Variants in TRIM11 observed in about 807,000 individuals in gnomAD.
The protein encoded by TRIM11 is tripartite motif containing 11.
In TRIM11, 15 loss-of-function variants were observed where a neutral mutation model predicts 33.4. The observed-to-expected ratio is 0.45, with a 90% CI of 0.30 to 0.69. TRIM11 has a LOEUF of 0.69. Among genes scored for constraint, TRIM11 ranks in the 30% least tolerant of loss-of-function variants. The pLI is 0.08. For missense variants in TRIM11, 499 were observed against 667.6 expected, an observed-to-expected ratio of 0.75 and a Z score of 2.78; for synonymous variants, 281 against 302.6, an observed-to-expected ratio of 0.93 and a Z score of 0.74.
At chr1:228,396,731 A>G in intron 5 of TRIM11, 1 of 718,648 alleles carries the variant, frequency 1.4e-6, no homozygotes, top group South Asian at 1.5e-5. Context: ...TGGATACCCA[A>G]TTCGTTTCCA....
intron 5 of TRIM11, 64 bp downstream of exon 5, chr1:228,396,883 C>A: frequency 6.6e-7 from 1 of 1,504,366 alleles, no homozygotes; most frequent in Non-Finnish European, 9.3e-7. Flanking sequence ...ACGTGGCTGG[C>A]TGCCCAGGTC....
At chr1:228,405,258 T>C (rs1358386442) in intron 1 of TRIM11, 2 of 152,246 alleles carry the variant, frequency 1.3e-5, no homozygotes, top group Non-Finnish European at 2.9e-5. Flanking sequence ...GATTCAGATT[T>C]ATTCTAGTAT....
chr1:228,405,635 G>C (rs1450045607), intron 1 of TRIM11: 3 of 147,116 alleles, frequency 2.0e-5, no homozygotes, highest in African/African-American at 2.6e-5. Flanking sequence ...GGCAGCCCTG[G>C]AGGGGAGGTT....
chr1:228,402,344 G>A (rs990002288), intron 1 of TRIM11, 183 bp from the exon 2 acceptor site: 3 of 507,974 alleles, frequency 5.9e-6, no homozygotes, highest in Non-Finnish European at 1.0e-5. Flanking sequence ...GCAGCCTCTT[G>A]CCAGAGGCTG....
In TRIM11 at chr1:228,394,593, C is replaced by G; in HGVS notation, c.*112G>C. 1 of 1,216,608 alleles carries G rather than the reference C, an allele frequency of 8.2e-7. No individual in the cohort carries two copies. Among genetic ancestry groups the G allele is most frequent in the Non-Finnish European group, 1.1e-6 (1 of 892,710 alleles). The allele number at this position is 1,216,608 out of a possible 1,614,324, so 75.4% of individuals were successfully genotyped here. ...AGGCTCAGAAAGGCACCAGGAGTTC[C>G]TCCTCTTGCTCAAAGGACACACTCC... On this transcript the variant is annotated 3_prime_UTR_variant, in exon 6 of 6. Transcript: ENST00000284551. This position sits in a 1 kb window ranked among gnomAD's most constrained non-coding sequence, Gnocchi z 6.2.
chr1:228,399,879 C>CAA (rs55896989), intron 3 of TRIM11, among the ~76,000 whole-genome samples: 1,594 of 115,762 alleles, frequency 0.014, 18 homozygotes, highest in African/African-American at 0.023. Context: ...CTTAAATCTA[C>CAA]AAAAAAAAAA....
chr1:228,399,010 G>A (rs1452635616), intron 3 of TRIM11, among the ~76,000 whole-genome samples: 1 of 152,110 alleles, frequency 6.6e-6, no homozygotes, highest in South Asian at 2.1e-4. Flanking sequence ...CCTGCTGAAG[G>A]GGGCAGCCAG....
At position 228,406,691 on chromosome 1, in the gene TRIM11, G is replaced by T; in HGVS notation, c.-130C>A. 2 of 911,498 alleles carry T rather than the reference G, an allele frequency of 2.2e-6. No individual in the cohort carries two copies. The highest frequency in any genetic ancestry group is 2.9e-6 in the Non-Finnish European group (2 of 686,406). The allele number at this position is 911,498 out of a possible 1,614,324, so 56.5% of individuals were successfully genotyped here. A position where few individuals can be genotyped will look rare whatever the true frequency, so the allele number is the denominator to read the frequency against. On this transcript the variant is annotated 5_prime_UTR_variant, in exon 1 of 6. Coordinates refer to ENST00000284551, the MANE Select transcript of TRIM11 (RefSeq NM_145214.3). This position sits in a 1 kb window ranked among gnomAD's most constrained non-coding sequence, Gnocchi z 8.2. ...GGGCACTCCGGGGCGCGAGGCTCGG[G>T]ACTCCCGGGTGCTCGGGCTCCGGGG...
chr1:228,399,891 C>CAAAAAAAAAAAA (rs58986540), intron 3 of TRIM11, among the ~76,000 whole-genome samples: 2 of 92,754 alleles, frequency 2.2e-5, no homozygotes, highest in East Asian at 3.3e-4. Flanking sequence ...AAAAAAAAAA[C>CAAAAAAAAAAAA]AAAAAAAAAA....
Position 228,406,738 on chromosome 1 carries a change from G to A in TRIM11, c.-177C>T, listed in dbSNP as rs1322007341. 1.2e-5 allele frequency: 6 copies of A among 501,252 alleles called. No individual in the cohort carries two copies. Among genetic ancestry groups the A allele is most frequent in the African/African-American group, 1.0e-4 (5 of 49,788 alleles). 31.1% of individuals were successfully genotyped at this position (501,252 alleles called of 1,614,324 possible). On this transcript the variant is annotated 5_prime_UTR_variant, in exon 1 of 6. Coordinates refer to ENST00000284551, the MANE Select transcript of TRIM11 (RefSeq NM_145214.3). This position sits in a 1 kb window ranked among gnomAD's most constrained non-coding sequence, Gnocchi z 8.2. ...GGGGCGCGGGGACTCCAGGGCGCAG[G>A]ACTCTGGGTTTCGGTAGCGCTGGGC...
rs1231318124 is a variant in TRIM11 at position 228,395,622 on chromosome 1, T to C, written c.860-370A>G. On this transcript the variant is annotated intron_variant, in intron 5 of 5. Coordinates refer to ENST00000284551, the MANE Select transcript of TRIM11 (RefSeq NM_145214.3). This position sits in a 1 kb window ranked among gnomAD's most constrained non-coding sequence, Gnocchi z 4.8. ...GCAGCCTTGATCTCCTGGGCTCAAA[T>C]GATCCTCCCGCCTCAGATCCTCCCA... The C allele has an allele frequency of 5.5e-6, 1 of 180,546 alleles. No homozygotes were observed. Among genetic ancestry groups the C allele is most frequent in the Non-Finnish European group, 1.1e-5 (1 of 87,498 alleles). The allele number at this position is 180,546 out of a possible 1,614,324, so 11.2% of individuals were successfully genotyped here. A position where few individuals can be genotyped will look rare whatever the true frequency, so the allele number is the denominator to read the frequency against.
At chr1:228,398,552 G>A (rs560103906) in intron 3 of TRIM11, among the ~76,000 whole-genome samples, 4 of 152,242 alleles carry the variant, frequency 2.6e-5, no homozygotes, top group South Asian at 2.1e-4. Context: ...CCAGGACATC[G>A]AGGCTGCAGT....
rs141070559 is a variant in TRIM11, at chr1:228,396,217, A to G, written c.859+730T>C. On this transcript the variant is annotated intron_variant, in intron 5 of 5. Transcript: ENST00000284551. ...AATCCTGTCAGTAGAGGGCGGGAAC[A>G]CTCAGCCCCAGCCTCTGACCTCAGG... The G allele has an allele frequency of 4.3e-3, 734 of 169,932 alleles. 5 individuals carry two copies. Among genetic ancestry groups the G allele is most frequent in the African/African-American group, 0.017 (694 of 42,034 alleles). 10.5% of individuals were successfully genotyped at this position (169,932 alleles called of 1,614,324 possible). A position where few individuals can be genotyped will look rare whatever the true frequency, so the allele number is the denominator to read the frequency against.
At chr1:228,405,832 A>C (rs1656387064) in intron 1 of TRIM11, 2 of 286,602 alleles carry the variant, frequency 7.0e-6, no homozygotes, top group Admixed American at 5.4e-5. Context: ...CCTTGCCCCC[A>C]CTCCACCACC....
In TRIM11 at chr1:228,406,777, G is replaced by A. The variant is rs957182684; in HGVS notation, c.-216C>T. 3 of 380,388 alleles carry A rather than the reference G, an allele frequency of 7.9e-6. No homozygotes were observed. Among genetic ancestry groups the A allele is most frequent in the Non-Finnish European group, 1.4e-5 (3 of 219,538 alleles). The allele number at this position is 380,388 out of a possible 1,614,324, so 23.6% of individuals were successfully genotyped here. A position where few individuals can be genotyped will look rare whatever the true frequency, so the allele number is the denominator to read the frequency against. On this transcript the variant is annotated 5_prime_UTR_variant, in exon 1 of 6. Coordinates refer to ENST00000284551, the MANE Select transcript of TRIM11 (RefSeq NM_145214.3). The surrounding 1 kb of genome is among the most constrained non-coding windows in gnomAD (Gnocchi z 8.2). Reference sequence around the variant, plus strand: ...GTAGCGCTGGGCGCGTAGGCTCCGAGCGCTCGGGGGACGCGGGACGTAGGG... The same window carrying A: ...GTAGCGCTGGGCGCGTAGGCTCCGAACGCTCGGGGGACGCGGGACGTAGGG...
chr1:228,402,179 C>T lies in TRIM11; in HGVS notation c.409-18G>A. The T allele has an allele frequency of 6.2e-7, 1 of 1,602,634 alleles. No individual in the cohort carries two copies. Among genetic ancestry groups the T allele is most frequent in the Non-Finnish European group, 8.5e-7 (1 of 1,173,346 alleles). Reference sequence around the variant, plus strand: ...AGCTTCGCCTGCGGGAGAGGCCAGGCAGGACCATGAGACATGAGTCCTGTC... The same window carrying T: ...AGCTTCGCCTGCGGGAGAGGCCAGGTAGGACCATGAGACATGAGTCCTGTC... On this transcript the variant is annotated intron_variant, in intron 1 of 5. Transcript: ENST00000284551.
chr1:228,395,023 C>A lies in TRIM11; in HGVS notation c.1089G>T (p.Val363=). 1 of 1,614,066 alleles carries A rather than the reference C, an allele frequency of 6.2e-7. No individual in the cohort carries two copies. Among genetic ancestry groups the A allele is most frequent in the Middle Eastern group, 1.6e-4 (1 of 6,062 alleles). Residue 363 remains valine (V), a synonymous_variant, in exon 6 of 6, where the codon GTG becomes GTT. Coordinates refer to ENST00000284551, the MANE Select transcript of TRIM11 (RefSeq NM_145214.3). The surrounding 1 kb of genome is among the most constrained non-coding windows in gnomAD (Gnocchi z 4.8). ...ACAGCTCGCCCTTCTCCTTCCTGTT[C>A]ACGTTCTCCCTGCACACCCCCAGGG... ...SWALGVCREN[V]NRKEKGELSA...
chr1:228,406,206 TC>T lies in TRIM11; in HGVS notation c.355del (p.Glu119SerfsTer100). On this transcript the variant is annotated frameshift_variant, in exon 1 of 6. Transcript: ENST00000284551. LOFTEE classifies it high-confidence loss of function. This position sits in a 1 kb window ranked among gnomAD's most constrained non-coding sequence, Gnocchi z 8.2. ...CGGCCGCACGCGGTGCGCCCAGTGC[TC>T]CCCAGAGCGCTCGCAGGCCGCACAC... ...LLCAACERSG[E>X]HWAHRVRPLQ... is the part of the protein sequence containing the mutation. 1 of 1,468,672 alleles carries T rather than the reference TC, an allele frequency of 6.8e-7. No individual in the cohort carries two copies. The highest frequency in any genetic ancestry group is 2.6e-5 in the Admixed American group (1 of 38,942). 91.0% of individuals were successfully genotyped at this position (1,468,672 alleles called of 1,614,324 possible). A position where few individuals can be genotyped will look rare whatever the true frequency, so the allele number is the denominator to read the frequency against.
chr1:228,406,383 G>A lies in TRIM11; in HGVS notation c.179C>T (p.Ser60Phe), dbSNP rs1424514254. 13 of 1,536,118 alleles carry A rather than the reference G, an allele frequency of 8.5e-6. No homozygotes were observed. The highest frequency in any genetic ancestry group is 1.4e-5 in the African/African-American group (1 of 70,184). Reference protein sequence around the residue: ...PYACPECRELSPQRNLRPNRP... With the variant: ...PYACPECRELFPQRNLRPNRP... Reference sequence around the variant, plus strand: ...GTTGGGCCGCAGGTTCCTCTGCGGGGACAGCTCGCGGCACTCGGGGCACGC... The same window carrying A: ...GTTGGGCCGCAGGTTCCTCTGCGGGAACAGCTCGCGGCACTCGGGGCACGC... Residue 60 changes from serine to phenylalanine, a missense_variant, in exon 1 of 6, where the codon TCC becomes TTC. Ser to Phe is a radical substitution (Grantham distance 155, BLOSUM62 -2). Transcript: ENST00000284551. This position sits in a 1 kb window ranked among gnomAD's most constrained non-coding sequence, Gnocchi z 8.2.
Sources: gnomAD v4.1 joint callset for allele counts (sites outside exome capture counted in the v4.1 genomes callset) on GRCh38, gnomAD v4.1.1 for gene constraint, Gnocchi (gnomAD v3.1) non-coding constraint, MANE v1.5 for transcripts, NCBI Gene and HGNC (gene_info 2026-07-23, HGNC 2026-07-21) for gene names.